Variants in NMNAT2 observed in about 807,000 individuals in gnomAD.
NMNAT2 encodes the protein nicotinamide nucleotide adenylyltransferase 2.
In NMNAT2, 11 loss-of-function variants were observed where a neutral mutation model predicts 41.6. The ratio of observed to expected loss-of-function variants is 0.26; its 90% CI spans 0.17 to 0.44. NMNAT2 has a LOEUF of 0.44. Among genes scored for constraint, NMNAT2 ranks in the 20% least tolerant of loss-of-function variants. NMNAT2 has a pLI of 1.00. For synonymous variants in NMNAT2, 148 were observed against 151.2 expected (o/e 0.98, Z 0.16); for missense variants, 288 against 407.7 (o/e 0.71, Z 2.53).
rs187606148 is a variant in NMNAT2, at chr1:183,271,154, T to C, written c.651+7399A>G. 4.2e-3 allele frequency among the ~76,000 whole-genome samples: 642 copies of C among 152,334 alleles called. 4 individuals are homozygous for C. Among genetic ancestry groups the C allele is most frequent in the Non-Finnish European group, 7.5e-3 (512 of 68,030 alleles). ...GTTCCATCCCCAAGTTTTTACTCTT[T>C]TGGGTTAAATATTGACTCTTGCTCA... On this transcript the variant is annotated intron_variant, in intron 8 of 10. Transcript: ENST00000287713.
At chr1:183,375,036 G>A (rs774261336) in intron 1 of NMNAT2, among the ~76,000 whole-genome samples, 95 of 152,166 alleles carry the variant, frequency 6.2e-4, no homozygotes, top group Admixed American at 4.8e-3. Flanking sequence ...TAGCTTTTCA[G>A]GGAAGCAGAG....
chr1:183,380,333 A>T (rs574819403), intron 1 of NMNAT2, among the ~76,000 whole-genome samples: 3 of 151,564 alleles, frequency 2.0e-5, no homozygotes, highest in Non-Finnish European at 4.4e-5. Context: ...TCATCTGTTT[A>T]TTTTTTCTTT....
intron 1 of NMNAT2, among the ~76,000 whole-genome samples, chr1:183,301,947 C>T (rs1343236998): frequency 6.6e-6 from 1 of 152,206 alleles, no homozygotes; most frequent in Non-Finnish European, 1.5e-5. Flanking sequence ...ATTGTAGTCA[C>T]AGCTGGAGCT....
At chr1:183,383,811 A>G (rs1185268698) in intron 1 of NMNAT2, among the ~76,000 whole-genome samples, 1 of 152,202 alleles carries the variant, frequency 6.6e-6, no homozygotes, top group African/African-American at 2.4e-5. Flanking sequence ...CACTATCAGT[A>G]TTTTGGTCAC....
rs188098359 is a variant in NMNAT2, at chr1:183,264,769, C to T, written c.652-3466G>A. 3.9e-5 allele frequency among the ~76,000 whole-genome samples: 6 copies of T among 152,228 alleles called. No individual in the cohort carries two copies. In the East Asian group the frequency reaches 9.7e-4, roughly 25 times the overall value. On this transcript the variant is annotated intron_variant, in intron 8 of 10. Transcript: ENST00000287713. The stretch of plus-strand genomic sequence containing the variant: ...CTCAGTCCAACGAGTACCCATCTCC[C>T]TCCAAGAGCTTAGCTGTCCTTCCCA...
At chr1:183,312,195 GATA>G (rs1438727806) in intron 1 of NMNAT2, among the ~76,000 whole-genome samples, 2 of 151,846 alleles carry the variant, frequency 1.3e-5, no homozygotes, top group Non-Finnish European at 2.9e-5. Flanking sequence ...TGAAATAGAA[GATA>G]ATAATTTTTT....
At position 183,293,782 on chromosome 1, in the gene NMNAT2, C is replaced by G. The variant is rs1310818140; in HGVS notation, c.97G>C (p.Asp33His). ...AACCTTCCAGTTTTGTGCAGATAAT[C>G]CCTGGCTCTTTCTAATTAAGAGAAG... ...GHIQMFERARDYLHKTGRFIV... is the reference protein window; with the variant it reads ...GHIQMFERARHYLHKTGRFIV... The change falls in exon 2 of 11, where the codon GAT becomes CAT. Residue 33 changes from aspartate (D) to histidine (H), a missense_variant. This residue lies in a region of NMNAT2 where 100 missense variants were observed against 168.5 expected (regional missense o/e 0.59). Transcript: ENST00000287713. 3.1e-6 allele frequency: 5 copies of G among 1,613,446 alleles called. No individual in the cohort carries two copies. The Admixed American group carries it at 6.7e-5, about 22-fold the overall frequency.
intron 1 of NMNAT2, among the ~76,000 whole-genome samples, chr1:183,300,961 G>A (rs547086118): frequency 6.6e-6 from 1 of 152,340 alleles, no homozygotes; most frequent in African/African-American, 2.4e-5. Flanking sequence ...GATTCTATGG[G>A]TCTGGGATGG....
chr1:183,252,598 C>T lies in NMNAT2; in HGVS notation c.*43G>A, dbSNP rs1257458085. On this transcript the variant is annotated 3_prime_UTR_variant, in exon 11 of 11. Transcript: ENST00000287713. ...AGGCAGGAGAGAAACAGGGGGCTGACAAAGATGGAGGGGCCATTGTGTTGC... is the reference window on the plus strand; with the variant it reads ...AGGCAGGAGAGAAACAGGGGGCTGATAAAGATGGAGGGGCCATTGTGTTGC... 4 of 1,339,982 alleles carry T rather than the reference C, an allele frequency of 3.0e-6. No homozygotes were observed. In the African/African-American group the frequency reaches 5.7e-5, roughly 19 times the overall value. The allele number at this position is 1,339,982 out of a possible 1,614,324, so 83.0% of individuals were successfully genotyped here.
At chr1:183,395,285 C>G (rs1319066851) in intron 1 of NMNAT2, among the ~76,000 whole-genome samples, 1 of 151,826 alleles carries the variant, frequency 6.6e-6, no homozygotes, top group Non-Finnish European at 1.5e-5. Flanking sequence ...AGGCCAGCCT[C>G]TATCACCTTT....
At chr1:183,379,367 G>C (rs1367788703) in intron 1 of NMNAT2, among the ~76,000 whole-genome samples, 5 of 151,788 alleles carry the variant, frequency 3.3e-5, no homozygotes. Context: ...TTTTTGTAGA[G>C]ATGAGGTCTC....
intron 1 of NMNAT2, among the ~76,000 whole-genome samples, chr1:183,312,265 CTTT>C (rs534701278): frequency 7.1e-6 from 1 of 140,672 alleles, no homozygotes; most frequent in Non-Finnish European, 1.6e-5. Context: ...TAATTTAAGG[CTTT>C]TTTTTTTTTT....
chr1:183,358,822 T>C (rs1301708374), intron 1 of NMNAT2, among the ~76,000 whole-genome samples: 2 of 152,212 alleles, frequency 1.3e-5, no homozygotes, highest in African/African-American at 4.8e-5. Flanking sequence ...TGGATAGCAG[T>C]AAACTGAAAG....
At chr1:183,347,810 G>A (rs909295490) in intron 1 of NMNAT2, among the ~76,000 whole-genome samples, 6 of 152,162 alleles carry the variant, frequency 3.9e-5, no homozygotes, top group South Asian at 2.1e-4. Flanking sequence ...CTCTCCTGGT[G>A]TTAGATGGCC....
At chr1:183,308,921 G>T (rs533467400) in intron 1 of NMNAT2, among the ~76,000 whole-genome samples, 1 of 152,194 alleles carries the variant, frequency 6.6e-6, no homozygotes, top group Non-Finnish European at 1.5e-5. Context: ...TGGCTGCAGC[G>T]CTGGGAAAAC....
intron 10 of NMNAT2, among the ~76,000 whole-genome samples, chr1:183,256,801 G>A (rs1001593736): frequency 7.9e-5 from 12 of 152,128 alleles, no homozygotes; most frequent in Non-Finnish European, 1.5e-4. Context: ...CCAGGCTGGA[G>A]TGCAGCAGCG....
In NMNAT2 at chr1:183,319,381, C is replaced by T. The variant is rs532494260; in HGVS notation, c.86-25588G>A. On this transcript the variant is annotated intron_variant, in intron 1 of 10. Coordinates refer to ENST00000287713, the MANE Select transcript of NMNAT2 (RefSeq NM_015039.4). The stretch of plus-strand genomic sequence containing the variant: ...TCACTTCAGCACAGTGCCTACATTT[C>T]CAAGCAGTTGTAAAGTTTAAGTGAG... 9.8e-5 allele frequency among the ~76,000 whole-genome samples: 15 copies of T among 152,368 alleles called. No homozygotes were observed. In the South Asian group the frequency reaches 2.1e-3, roughly 21 times the overall value.
intron 4 of NMNAT2, among the ~76,000 whole-genome samples, chr1:183,288,786 C>A (rs1264180538): frequency 6.6e-6 from 1 of 152,202 alleles, no homozygotes; most frequent in Non-Finnish European, 1.5e-5. Flanking sequence ...CACGTCTTTG[C>A]CTATCCTGAC....
intron 1 of NMNAT2, among the ~76,000 whole-genome samples, chr1:183,402,198 G>C (rs1381205712): frequency 6.6e-6 from 1 of 152,152 alleles, no homozygotes; most frequent in Non-Finnish European, 1.5e-5. Context: ...ATGACTAGGA[G>C]AGACCAGAGA....
Sources: allele counts gnomAD v4.1 joint callset (sites outside exome capture counted in the v4.1 genomes callset), GRCh38; gene constraint gnomAD v4.1.1; regional missense constraint gnomAD v4.1.1; transcripts MANE v1.5; gene names NCBI Gene and HGNC (gene_info 2026-07-23, HGNC 2026-07-21).